The following TDRKH variants were observed in gnomAD, a reference collection of about 807,000 sequenced individuals.
TDRKH encodes tudor and KH domain containing.
TDRKH carries 28 observed loss-of-function variants against 61.3 expected under a neutral mutation model. That is an observed-to-expected ratio of 0.46 (90% CI 0.34 to 0.63). TDRKH has a LOEUF of 0.63. TDRKH is among the 20% of genes least tolerant of loss of function. TDRKH has a pLI of 0.01. For synonymous variants in TDRKH, 219 were observed against 244.4 expected (o/e 0.90, Z 0.97); for missense variants, 540 against 683.4 (o/e 0.79, Z 2.34).
intron 9 of TDRKH, 109 bp downstream of exon 9, chr1:151,775,711 C>T: frequency 6.7e-7 from 1 of 1,500,244 alleles, no homozygotes; most frequent in Non-Finnish European, 9.1e-7. Flanking sequence ...GAAAAGGCAC[C>T]TGAGTCCCCA....
At chr1:151,778,247 A>G (rs1315491068) in intron 6 of TDRKH, among the ~76,000 whole-genome samples, 1 of 152,236 alleles carries the variant, frequency 6.6e-6, no homozygotes, top group East Asian at 1.9e-4. Flanking sequence ...ATAATAAACT[A>G]CAAATATCCT....
chr1:151,781,606 A>G lies in TDRKH; in HGVS notation c.125-19T>C. ...CGCTCTTCTGCACAGATCATTGTTC[A>G]TCAGATCAGACTTAGATAACACCCA... On this transcript the variant is annotated intron_variant, in intron 2 of 12. Transcript: ENST00000368824. 6.2e-7 allele frequency: 1 copy of G among 1,609,638 alleles called. No individual in the cohort carries two copies. The highest frequency in any genetic ancestry group is 8.5e-7 in the Non-Finnish European group (1 of 1,176,882).
chr1:151,784,244 C>A (rs558403481), intron 1 of TDRKH, among the ~76,000 whole-genome samples: 1 of 152,368 alleles, frequency 6.6e-6, no homozygotes, highest in African/African-American at 2.4e-5. Flanking sequence ...CACTGCTCCA[C>A]AAGTTCTCCT....
downstream of TDRKH, chr1:151,773,360 A>G (rs2101572198): frequency 6.5e-6 from 1 of 152,720 alleles, no homozygotes; most frequent in Non-Finnish European, 1.5e-5. Flanking sequence ...GAGAAAGAAT[A>G]TGAATGTGTA....
At chr1:151,777,670 T>A (rs543290099) in intron 6 of TDRKH, among the ~76,000 whole-genome samples, 1 of 152,120 alleles carries the variant, frequency 6.6e-6, no homozygotes, top group South Asian at 2.1e-4. Context: ...TTTTATTGCT[T>A]CCTATTTTGG....
intron 1 of TDRKH, among the ~76,000 whole-genome samples, chr1:151,788,984 CAGG>C (rs371035836): frequency 1.4e-4 from 21 of 152,290 alleles, no homozygotes; most frequent in African/African-American, 5.1e-4. Flanking sequence ...ACCGTGGCTG[CAGG>C]AGACCAATCA....
Position 151,774,404 on chromosome 1 carries a change from T to C in TDRKH, c.*48A>G, listed in dbSNP as rs1262234101. ...CCTGTTGCTACAGATAGATGATAGC[T>C]GCACTCACACAGCAAAGCAGATGGC... On this transcript the variant is annotated 3_prime_UTR_variant, in exon 13 of 13. Transcript: ENST00000368824. The C allele has an allele frequency of 3.7e-6, 6 of 1,602,252 alleles. No homozygotes were observed. The highest frequency in any genetic ancestry group is 1.7e-4 in the Middle Eastern group (1 of 6,028).
chr1:151,782,057 T>C (rs187881210), intron 2 of TDRKH: 2 of 439,702 alleles, frequency 4.5e-6, no homozygotes, highest in East Asian at 7.0e-5. Flanking sequence ...AAGATGAGTA[T>C]AGAAATTAAA....
downstream of TDRKH, chr1:151,771,361 G>T (rs1256336685): frequency 1.2e-5 from 18 of 1,466,874 alleles, no homozygotes; most frequent in Non-Finnish European, 1.4e-5. Flanking sequence ...GGGGGGGTGG[G>T]TAATAGGGTT....
downstream of TDRKH, chr1:151,767,286 A>G: frequency 6.2e-7 from 1 of 1,613,892 alleles, no homozygotes; most frequent in Non-Finnish European, 8.5e-7. Context: ...GACCAGCTTA[A>G]AGAACTGTAT....
rs770865783 is a variant in TDRKH, at chr1:151,778,675, T to C, written c.883+10A>G. 1 of 1,610,358 alleles carries C rather than the reference T, an allele frequency of 6.2e-7. No homozygotes were observed. On this transcript the variant is annotated intron_variant, in intron 6 of 12. Transcript: ENST00000368824. Reference sequence around the variant, plus strand: ...TTCAATGATTAATGGGCTCCCTCTTTGTTACATACTTTCAAACATGGGCAT... The same window carrying C: ...TTCAATGATTAATGGGCTCCCTCTTCGTTACATACTTTCAAACATGGGCAT...
chr1:151,787,057 G>A (rs368603114), intron 1 of TDRKH, among the ~76,000 whole-genome samples: 5 of 152,102 alleles, frequency 3.3e-5, no homozygotes, highest in African/African-American at 1.2e-4. Flanking sequence ...TATAAGCATC[G>A]TTGTATATAC....
At chr1:151,769,415 GCTC>G (rs1648538475), downstream of TDRKH, 1 of 156,692 alleles carries the variant, frequency 6.4e-6, no homozygotes, top group Non-Finnish European at 1.4e-5. Context: ...GGGCGGAGGG[GCTC>G]CTCACTTCTC....
At position 151,779,011 on chromosome 1, in the gene TDRKH, G is replaced by C. The variant is rs771212433; in HGVS notation, c.562-5C>G. ...AACTTTCTCCAGTATCAAATGCTGT[G>C]GAAAACAAGAGAAAGGATGATATTC... On this transcript the variant is annotated splice_region_variant and splice_polypyrimidine_tract_variant and intron_variant, in intron 5 of 12. Coordinates refer to ENST00000368824, the MANE Select transcript of TDRKH (RefSeq NM_001083965.2). The C allele has an allele frequency of 2.5e-6, 4 of 1,612,794 alleles. No individual in the cohort carries two copies. Among genetic ancestry groups the C allele is most frequent in the Non-Finnish European group, 3.4e-6 (4 of 1,179,208 alleles).
At chr1:151,778,139 C>T (rs1649386310) in intron 6 of TDRKH, among the ~76,000 whole-genome samples, 2 of 152,150 alleles carry the variant, frequency 1.3e-5, no homozygotes, top group Non-Finnish European at 2.9e-5. Flanking sequence ...TGTGCATTCT[C>T]ACCACATAGG....
In TDRKH at chr1:151,775,928, ATCT is replaced by A. The variant is rs773363222; in HGVS notation, c.1218-47_1218-45del. 6.9e-6 allele frequency: 11 copies of A among 1,600,650 alleles called. No homozygotes were observed. The East Asian group carries it at 1.1e-4, about 16-fold the overall frequency. ...AAATTAGAATCCTGGGGCCAAAAAC[ATCT>A]TCTTACATTGCTGCTTTCAGAAAGA... On this transcript the variant is annotated intron_variant, in intron 8 of 12. Coordinates refer to ENST00000368824, the MANE Select transcript of TDRKH (RefSeq NM_001083965.2).
chr1:151,783,003 G>A lies in TDRKH; in HGVS notation c.20C>T (p.Ser7Phe), dbSNP rs769487265. The change falls in exon 2 of 13, where the codon TCT becomes TTT. Residue 7 changes from serine to phenylalanine, a missense_variant. Physicochemically the swap from Ser to Phe is radical, Grantham distance 155. This residue lies in a region of TDRKH where 156 missense variants were observed against 218.0 expected (regional missense o/e 0.72). Coordinates refer to ENST00000368824, the MANE Select transcript of TDRKH (RefSeq NM_001083965.2). MSTERT[S>F]WTSLSTIQKI... is the part of the protein sequence containing the mutation. ...CTGAATGGTGGACAGGCTTGTCCAA[G>A]AAGTCCGTTCAGTAGACATTTTCTG... 3 of 1,613,466 alleles carry A rather than the reference G, an allele frequency of 1.9e-6. No individual in the cohort carries two copies. Among genetic ancestry groups the A allele is most frequent in the South Asian group, 1.1e-5 (1 of 90,958 alleles).
At chr1:151,790,337 T>G (rs1650800945) in intron 1 of TDRKH, 43 bp downstream of exon 1, 1 of 152,700 alleles carries the variant, frequency 6.5e-6, no homozygotes, top group Non-Finnish European at 1.5e-5. Flanking sequence ...CGTCTCCTAG[T>G]GGCCAGGGCT....
At chr1:151,788,968 G>T (rs942800073) in intron 1 of TDRKH, among the ~76,000 whole-genome samples, 1 of 152,202 alleles carries the variant, frequency 6.6e-6, no homozygotes, top group African/African-American at 2.4e-5. Flanking sequence ...TGAATTGAAG[G>T]CAGCAACCGT....
Sources: gnomAD v4.1 joint callset for allele counts (sites outside exome capture counted in the v4.1 genomes callset) on GRCh38, gnomAD v4.1.1 for gene constraint, gnomAD v4.1.1 regional missense constraint, MANE v1.5 for transcripts, NCBI Gene and HGNC (gene_info 2026-07-23, HGNC 2026-07-21) for gene names.